Variants in COL16A1 observed in about 807,000 individuals in gnomAD.
COL16A1 encodes the protein collagen alpha-1(XVI) chain.
COL16A1 carries 189 observed loss-of-function variants against 266.3 expected under a neutral mutation model. The observed-to-expected ratio is 0.71, with a 90% CI of 0.63 to 0.80. COL16A1 has a LOEUF of 0.80. Among genes scored for constraint, COL16A1 ranks in the 30% least tolerant of loss-of-function variants. COL16A1 has a pLI of 0.00. For missense variants in COL16A1, 1,928 were observed against 2,122.4 expected (o/e 0.91, Z 1.80); for synonymous variants, 740 against 782.3 (o/e 0.95, Z 0.90).
At chr1:31,658,704 C>T (rs1255404535) in intron 63 of COL16A1, 127 bp from the exon 64 acceptor site, 4 of 1,055,466 alleles carry the variant, frequency 3.8e-6, no homozygotes, top group Non-Finnish European at 5.7e-6. Flanking sequence ...CCTGAACTTG[C>T]AGCAGGACTC....
chr1:31,680,881 G>A (rs1355956126), intron 39 of COL16A1, 24 bp downstream of exon 39: 1 of 1,614,006 alleles, frequency 6.2e-7, no homozygotes, highest in East Asian at 2.2e-5. Context: ...CCTAGAATAT[G>A]GGTCACAGGC....
chr1:31,692,936 C>A, intron 13 of COL16A1, 128 bp from the exon 14 acceptor site: 1 of 1,035,540 alleles, frequency 9.7e-7, no homozygotes, highest in Non-Finnish European at 1.5e-6. Context: ...CTTCTACACC[C>A]AAACCCCTAG....
chr1:31,660,455 C>T, intron 62 of COL16A1, 130 bp downstream of exon 62: 1 of 1,185,254 alleles, frequency 8.4e-7, no homozygotes, highest in Non-Finnish European at 1.2e-6. Flanking sequence ...GAAGGAGTGG[C>T]CCCCGTGCTC....
At chr1:31,653,297 T>G (rs1640790384) in intron 70 of COL16A1, 2 of 335,458 alleles carry the variant, frequency 6.0e-6, no homozygotes, top group Admixed American at 4.4e-5. Flanking sequence ...CTCTTCAAGG[T>G]GTACAGCCAG....
At chr1:31,676,471 A>G (rs1272837112) in intron 42 of COL16A1, among the ~76,000 whole-genome samples, 1 of 152,164 alleles carries the variant, frequency 6.6e-6, no homozygotes, top group Non-Finnish European at 1.5e-5. Context: ...TCCTCAACAG[A>G]CATCCCCAGA....
intron 9 of COL16A1, 94 bp from the exon 10 acceptor site, chr1:31,695,881 G>A: frequency 1.6e-6 from 2 of 1,214,388 alleles, no homozygotes; most frequent in Non-Finnish European, 2.4e-6. Flanking sequence ...ACAGGAGTGG[G>A]CACTCTAGAG....
chr1:31,686,200 C>T (rs751209607), intron 27 of COL16A1, 44 bp downstream of exon 27: 1 of 1,614,202 alleles, frequency 6.2e-7, no homozygotes, highest in Non-Finnish European at 8.5e-7. Context: ...CAGCCCCTCC[C>T]ACCTTGTCCT....
intron 3 of COL16A1, 24 bp downstream of exon 3, chr1:31,700,017 G>A (rs770307253): frequency 6.2e-6 from 10 of 1,613,472 alleles, no homozygotes; most frequent in South Asian, 1.1e-5. Context: ...CAGGGACGGC[G>A]CGATGAGATG....
At chr1:31,671,751 C>T in intron 47 of COL16A1, 92 bp from the exon 48 acceptor site, 1 of 1,512,908 alleles carries the variant, frequency 6.6e-7, no homozygotes, top group Non-Finnish European at 9.1e-7. Flanking sequence ...TTGCCAGGGC[C>T]AAGGTCAACA....
intron 17 of COL16A1, 112 bp downstream of exon 17, chr1:31,691,893 C>T (rs1644286840): frequency 2.0e-6 from 3 of 1,537,422 alleles, no homozygotes. Context: ...TGGCACAGCC[C>T]CTCCCCACCC....
intron 56 of COL16A1, 110 bp from the exon 57 acceptor site, chr1:31,662,768 C>G (rs1641809243): frequency 1.7e-6 from 2 of 1,169,118 alleles, no homozygotes; most frequent in Admixed American, 2.6e-5. Flanking sequence ...CTGCTGGAAA[C>G]AGGACAGCTG....
Position 31,698,410 on chromosome 1 carries a change from C to A in COL16A1, c.390+73G>T. ...GCAGGGAGACCCCAGAAGTCACAAG[C>A]CGGGATGAAAGGTGGGCTGGACTGG... On this transcript the variant is annotated intron_variant, in intron 5 of 70. Transcript: ENST00000373672. This position sits in a 1 kb window ranked among gnomAD's most constrained non-coding sequence, Gnocchi z 4.1. 2 of 1,594,816 alleles carry A rather than the reference C, an allele frequency of 1.3e-6. No homozygotes were observed. The highest frequency in any genetic ancestry group is 8.6e-7 in the Non-Finnish European group (1 of 1,169,432).
Position 31,686,190 on chromosome 1 carries a change from C to A in COL16A1, c.1839+54G>T. 3 of 1,614,214 alleles carry A rather than the reference C, an allele frequency of 1.9e-6. No individual in the cohort carries two copies. In the South Asian group the frequency reaches 3.3e-5, roughly 18 times the overall value. On this transcript the variant is annotated intron_variant, in intron 27 of 70. Coordinates refer to ENST00000373672, the MANE Select transcript of COL16A1 (RefSeq NM_001856.4). ...CAGCATCTGCCAGGGCCATGCCTAT[C>A]AGCCCCTCCCACCTTGTCCTCTCCC...
chr1:31,692,340 T>C (rs952350284), intron 16 of COL16A1, 134 bp downstream of exon 16: 2 of 1,050,942 alleles, frequency 1.9e-6, no homozygotes, highest in African/African-American at 2.1e-5. Context: ...GTGGGGGAGA[T>C]GGGGGAGGGA....
At chr1:31,691,366 G>A in intron 19 of COL16A1, 51 bp downstream of exon 19, 2 of 1,588,832 alleles carry the variant, frequency 1.3e-6, no homozygotes, top group Non-Finnish European at 1.7e-6. Context: ...GGCCAGGGTG[G>A]GAGAGCGGTC....
At chr1:31,701,806 G>A (rs900170770) in intron 2 of COL16A1, among the ~76,000 whole-genome samples, 4 of 152,150 alleles carry the variant, frequency 2.6e-5, no homozygotes, top group East Asian at 1.9e-4. Context: ...ATTGGCTTAC[G>A]TATTGGGGTG....
Position 31,672,837 on chromosome 1 carries a change from T to A in COL16A1, c.2863A>T (p.Ile955Phe). ...TGCCCCTGGACACAGTCCCCGCAGA[T>A]ACTCTGATCAGGGAGTGGGGAGAGG... ...LPIEQHLLKS[I>F]CGDCVQGQRA... The change falls in exon 45 of 71, where the codon ATC becomes TTC. Residue 955 changes from isoleucine to phenylalanine, a missense_variant. Ile to Phe is a conservative substitution (Grantham distance 21). Around this residue, in one of 2 missense-constraint regions of COL16A1, gnomAD observed 1,552 missense variants for 1,637.2 expected, o/e 0.95. Coordinates refer to ENST00000373672, the MANE Select transcript of COL16A1 (RefSeq NM_001856.4). 6.2e-7 allele frequency: 1 copy of A among 1,613,796 alleles called. No individual in the cohort carries two copies. Among genetic ancestry groups the A allele is most frequent in the Non-Finnish European group, 8.5e-7 (1 of 1,179,828 alleles).
At chr1:31,683,464 T>A in intron 34 of COL16A1, 95 bp from the exon 35 acceptor site, 12 of 1,604,668 alleles carry the variant, frequency 7.5e-6, no homozygotes, top group Non-Finnish European at 1.0e-5. Flanking sequence ...GGGTGGGGTA[T>A]CTGCCAGCCC....
intron 57 of COL16A1, 27 bp downstream of exon 57, chr1:31,662,560 T>G: frequency 1.9e-6 from 3 of 1,559,258 alleles, no homozygotes; most frequent in Non-Finnish European, 2.6e-6. Context: ...CGCACACGTC[T>G]GCCACGCTGA....
Sources: gnomAD v4.1 joint callset for allele counts (sites outside exome capture counted in the v4.1 genomes callset) on GRCh38, gnomAD v4.1.1 for gene constraint, gnomAD v4.1.1 regional missense constraint, Gnocchi (gnomAD v3.1) non-coding constraint, MANE v1.5 for transcripts, NCBI Gene and HGNC (gene_info 2026-07-23, HGNC 2026-07-21) for gene names.